The following TNFSF4 variants were observed in gnomAD, a reference collection of about 807,000 sequenced individuals.
TNFSF4 encodes the protein tumor necrosis factor ligand superfamily member 4.
Under a neutral mutation model 7.3 loss-of-function variants are expected in TNFSF4, and 4 were observed. That is an observed-to-expected ratio of 0.55 (90% CI 0.27 to 1.25). The LOEUF is 1.25. Among genes scored for constraint, TNFSF4 ranks in the 50% most tolerant of loss-of-function variants. The pLI, the probability that TNFSF4 is intolerant of heterozygous loss-of-function variation, is 0.12. For missense variants in TNFSF4, 181 were observed against 208.8 expected (o/e 0.87, Z 0.82); for synonymous variants, 76 against 83.7 (o/e 0.91, Z 0.50).
chr1:173,265,356 G>A, the TNFSF4 span, among the ~76,000 whole-genome samples: 2 of 152,152 alleles, frequency 1.3e-5, no homozygotes, highest in Non-Finnish European at 1.5e-5. Flanking sequence ...ACTACCCCTA[G>A]GAAAGGCTCT....
the TNFSF4 span, among the ~76,000 whole-genome samples, chr1:173,247,814 G>C: frequency 6.6e-6 from 1 of 152,084 alleles, no homozygotes; most frequent in Non-Finnish European, 1.5e-5. Context: ...GCCAAGCTTC[G>C]TGATACATTT....
chr1:173,207,171 T>C lies in TNFSF4; in HGVS notation c.6A>G (p.Glu2=). The part of the protein sequence containing the change: M[E]RVQPLEENVG... The stretch of plus-strand genomic sequence containing the variant: ...CATTCTCTTCCAGGGGTTGGACCCT[T>C]TCCATCTTCACAATCTGGGTAGAGG... Residue 2 remains glutamate (E), a synonymous_variant, in exon 1 of 3, where the codon GAA becomes GAG. Coordinates refer to ENST00000281834, the MANE Select transcript of TNFSF4 (RefSeq NM_003326.5). 2.5e-6 allele frequency: 4 copies of C among 1,610,946 alleles called. No individual in the cohort carries two copies. The highest frequency in any genetic ancestry group is 3.4e-6 in the Non-Finnish European group (4 of 1,177,610).
chr1:173,258,869 C>T, the TNFSF4 span, among the ~76,000 whole-genome samples: 1 of 152,092 alleles, frequency 6.6e-6, no homozygotes, highest in Non-Finnish European at 1.5e-5. Flanking sequence ...TGAGATGGAG[C>T]CCCTGATGGA....
At chr1:173,273,310 C>T in the TNFSF4 span, among the ~76,000 whole-genome samples, 1 of 152,134 alleles carries the variant, frequency 6.6e-6, no homozygotes, top group East Asian at 1.9e-4. Flanking sequence ...TAGCAGAATT[C>T]GTGTTGCTCC....
At chr1:173,230,535 C>G in the TNFSF4 span, among the ~76,000 whole-genome samples, 1 of 152,102 alleles carries the variant, frequency 6.6e-6, no homozygotes, top group Admixed American at 6.5e-5. Context: ...GAAGCAAGAG[C>G]AAACACATTC....
the TNFSF4 span, among the ~76,000 whole-genome samples, chr1:173,288,524 C>T: frequency 3.4e-3 from 519 of 152,146 alleles, 6 homozygotes; most frequent in African/African-American, 0.011. Flanking sequence ...ATTTAATGAA[C>T]ATATATAGAA....
the TNFSF4 span, among the ~76,000 whole-genome samples, chr1:173,300,150 A>ATGAT: frequency 7.2e-6 from 1 of 139,088 alleles, no homozygotes; most frequent in South Asian, 2.3e-4. Flanking sequence ...TAATAAATAG[A>ATGAT]TGATTGATAG....
the TNFSF4 span, among the ~76,000 whole-genome samples, chr1:173,305,192 G>C: frequency 2.6e-5 from 4 of 151,550 alleles, no homozygotes; most frequent in African/African-American, 9.7e-5. Flanking sequence ...TGCCAAAAGG[G>C]CATGAGATCT....
the TNFSF4 span, among the ~76,000 whole-genome samples, chr1:173,217,852 C>T: frequency 2.3e-3 from 343 of 152,168 alleles, 4 homozygotes; most frequent in Middle Eastern, 0.02. Flanking sequence ...TGGGCTTAAG[C>T]GTCCTCCCAC....
chr1:173,339,510 T>A, the TNFSF4 span, among the ~76,000 whole-genome samples: 1 of 152,218 alleles, frequency 6.6e-6, no homozygotes, highest in Non-Finnish European at 1.5e-5. Flanking sequence ...AATTGACATA[T>A]TTCATCCTTA....
the TNFSF4 span, among the ~76,000 whole-genome samples, chr1:173,237,880 C>A: frequency 2.6e-5 from 4 of 152,164 alleles, no homozygotes; most frequent in African/African-American, 9.7e-5. Flanking sequence ...CTACCAATGA[C>A]ATTCTTCACT....
the TNFSF4 span, among the ~76,000 whole-genome samples, chr1:173,280,331 C>T: frequency 6.6e-6 from 1 of 152,104 alleles, no homozygotes; most frequent in Non-Finnish European, 1.5e-5. Context: ...GGTTTCTCTT[C>T]CTTTAAGTTA....
the TNFSF4 span, among the ~76,000 whole-genome samples, chr1:173,371,482 C>G: frequency 3.3e-5 from 5 of 152,132 alleles, no homozygotes; most frequent in Admixed American, 6.6e-5. Flanking sequence ...GGCAAAAATG[C>G]CTGCCTAGTC....
the TNFSF4 span, among the ~76,000 whole-genome samples, chr1:173,312,924 A>C: frequency 6.6e-6 from 1 of 152,108 alleles, no homozygotes; most frequent in African/African-American, 2.4e-5. Context: ...CTCCAGATAA[A>C]TACTAGCTCT....
chr1:173,350,371 G>C, the TNFSF4 span, among the ~76,000 whole-genome samples: 1 of 152,164 alleles, frequency 6.6e-6, no homozygotes, highest in Non-Finnish European at 1.5e-5. Flanking sequence ...AGACAGACTG[G>C]TAGAATCAGT....
chr1:173,433,712 T>G, the TNFSF4 span, among the ~76,000 whole-genome samples: 1 of 151,722 alleles, frequency 6.6e-6, no homozygotes, highest in African/African-American at 2.4e-5. Flanking sequence ...CAAAAAAAAA[T>G]AAAAGAAACT....
chr1:173,205,211 G>A (rs547554533), intron 1 of TNFSF4: 7 of 1,381,300 alleles, frequency 5.1e-6, no homozygotes, highest in South Asian at 1.3e-5. Context: ...AGTAGACAGG[G>A]CATGTTTCTT....
the TNFSF4 span, among the ~76,000 whole-genome samples, chr1:173,239,753 G>A: frequency 2.4e-4 from 36 of 152,234 alleles, no homozygotes; most frequent in African/African-American, 6.3e-4. Flanking sequence ...CAGTGGGACC[G>A]GGCACAGTGG....
At chr1:173,371,425 G>A in the TNFSF4 span, among the ~76,000 whole-genome samples, 100 of 152,284 alleles carry the variant, frequency 6.6e-4, no homozygotes, top group African/African-American at 2.3e-3. Context: ...CCTGCTTGAG[G>A]AGGGAATCAA....
Sources: allele counts gnomAD v4.1 joint callset (sites outside exome capture counted in the v4.1 genomes callset), GRCh38; gene constraint gnomAD v4.1.1; transcripts MANE v1.5; gene names NCBI Gene and HGNC (gene_info 2026-07-23, HGNC 2026-07-21).